The following GNAS variants were observed in gnomAD, a reference collection of about 807,000 sequenced individuals.
The protein encoded by GNAS is protein ALEX.
Under a neutral mutation model 54.5 loss-of-function variants are expected in GNAS, and 8 were observed. The observed-to-expected ratio is 0.15, with a 90% CI of 0.09 to 0.26. GNAS has a LOEUF of 0.26. Ranked by LOEUF, GNAS falls within the 10% of genes least tolerant of loss-of-function variation. GNAS has a pLI of 1.00. For synonymous variants in GNAS, 204 were observed against 191.4 expected (o/e 1.07, Z -0.54); for missense variants, 170 against 529.8 (o/e 0.32, Z 6.67).
rs769227032 is a variant in GNAS at position 58,840,880 on chromosome 20, G to C, written c.37G>C (p.Asp13His). The change falls in exon 1 of 13, where the codon GAT becomes CAT. Residue 13 changes from aspartate to histidine, a missense_variant. Physicochemically the swap from Asp to His is moderately conservative, Grantham distance 81 (BLOSUM62 -1). Transcript: ENST00000306090. The surrounding 1 kb of genome is among the most constrained non-coding windows in gnomAD (Gnocchi z 6.0). Reference sequence around the variant, plus strand: ...CGTCCAGATTCTCCTTGTTTTCATGGATTCAGGTTAGTTGCCCACCGCTAA... The same window carrying C: ...CGTCCAGATTCTCCTTGTTTTCATGCATTCAGGTTAGTTGCCCACCGCTAA... 2.5e-6 allele frequency: 4 copies of C among 1,612,570 alleles called. No individual in the cohort carries two copies. The highest frequency in any genetic ancestry group is 1.7e-5 in the Admixed American group (1 of 59,982).
chr20:58,910,077 G>T lies in GNAS; in HGVS notation c.966G>T (p.Glu322Asp). 6.2e-7 allele frequency: 1 copy of T among 1,613,944 alleles called. No individual in the cohort carries two copies. Among genetic ancestry groups the T allele is most frequent in the Non-Finnish European group, 8.5e-7 (1 of 1,179,814 alleles). The part of the protein sequence containing the change: ...FPEFARYTTP[E>D]DATPEPGEDP... ...AATTTGCTCGCTACACTACTCCTGA[G>T]GATGGTGTGTATGGCTTCCACTCTT... is the stretch of plus-strand genomic sequence containing the variant. The change falls in exon 11 of 13, where the codon GAG becomes GAT. Residue 322 changes from glutamate (E) to aspartate (D), a missense_variant. Transcript: ENST00000371085. The surrounding 1 kb of genome is among the most constrained non-coding windows in gnomAD (Gnocchi z 5.8).
In GNAS at chr20:58,903,662, T is replaced by C; in HGVS notation, c.313-10T>C. ...GCTGTTCCCTGACCGCTTTGCTAAA[T>C]CATTTTCAGACCATTGTGGCCGCCA... On this transcript the variant is annotated splice_polypyrimidine_tract_variant and intron_variant, in intron 4 of 12. Coordinates refer to ENST00000371085, the MANE Select transcript of GNAS (RefSeq NM_000516.7). 1 of 1,614,140 alleles carries C rather than the reference T, an allele frequency of 6.2e-7. No individual in the cohort carries two copies. The highest frequency in any genetic ancestry group is 1.3e-5 in the African/African-American group (1 of 75,032).
chr20:58,886,890 CATA>C (rs2088626807), upstream of GNAS, among the ~76,000 whole-genome samples: 1 of 152,188 alleles, frequency 6.6e-6, no homozygotes, highest in African/African-American at 2.4e-5. Flanking sequence ...AGTAGTTAGT[CATA>C]ATAAAATATA....
intron 1 of GNAS, among the ~76,000 whole-genome samples, chr20:58,894,454 A>G (rs982705689): frequency 6.6e-6 from 1 of 152,244 alleles, no homozygotes. Flanking sequence ...AAGGCAAGTA[A>G]AGGAGGAATG....
intron 6 of GNAS, among the ~76,000 whole-genome samples, chr20:58,907,420 C>T (rs1276686066): frequency 1.3e-5 from 2 of 152,106 alleles, no homozygotes; most frequent in African/African-American, 2.4e-5. Context: ...ATTATAGTAA[C>T]GCAAAACAAA....
At position 58,851,993 on chromosome 20, in the gene GNAS, G is replaced by T. The variant is rs1052980304; in HGVS notation, c.43+11107G>T. ...CCAGTCTCGAAACCACCCTAAACCG[G>T]CATTAAACCCCAACCAAAATCCCCT... On this transcript the variant is annotated intron_variant, in intron 1 of 12. Coordinates refer to the GNAS transcript ENST00000306090. Among the ~76,000 whole-genome samples, 19 of 152,222 alleles carry T rather than the reference G, an allele frequency of 1.2e-4. 1 individual carries two copies. The highest frequency in any genetic ancestry group is 2.1e-4 in the Non-Finnish European group (14 of 68,012).
intron 1 of GNAS, among the ~76,000 whole-genome samples, chr20:58,892,827 C>G (rs764553717): frequency 6.6e-6 from 1 of 151,788 alleles, no homozygotes; most frequent in Non-Finnish European, 1.5e-5. Context: ...TCCAGACTTG[C>G]AGGCTTTTTC....
At chr20:58,905,726 A>G (rs1465571969) in intron 6 of GNAS, among the ~76,000 whole-genome samples, 2 of 152,230 alleles carry the variant, frequency 1.3e-5, no homozygotes, top group Non-Finnish European at 2.9e-5. Context: ...TTAGAGCAAA[A>G]TGATGATGAG....
chr20:58,845,411 G>A, intron 1 of GNAS, among the ~76,000 whole-genome samples: 1 of 151,992 alleles, frequency 6.6e-6, no homozygotes, highest in East Asian at 1.9e-4. Flanking sequence ...TGGACATACA[G>A]CTAGACCCCA....
At chr20:58,847,369 G>A (rs1169720991) in intron 1 of GNAS, among the ~76,000 whole-genome samples, 1 of 152,250 alleles carries the variant, frequency 6.6e-6, no homozygotes, top group South Asian at 2.1e-4. Context: ...GCAGATAGCA[G>A]TATGCTGCTG....
intron 1 of GNAS, among the ~76,000 whole-genome samples, chr20:58,883,308 G>C (rs941595488): frequency 6.6e-6 from 1 of 151,938 alleles, no homozygotes; most frequent in Non-Finnish European, 1.5e-5. Flanking sequence ...CAATTTTTTC[G>C]GTGTAATTAG....
At chr20:58,889,126 G>A (rs2088836602), upstream of GNAS, 3 of 1,192,698 alleles carry the variant, frequency 2.5e-6, no homozygotes, top group Non-Finnish European at 1.1e-6. Flanking sequence ...CCTCTGAAGA[G>A]GCTGGGGCGT....
At chr20:58,842,282 T>G (rs2085769302) in intron 1 of GNAS, 1 of 398,086 alleles carries the variant, frequency 2.5e-6, no homozygotes, top group Non-Finnish European at 4.4e-6. Flanking sequence ...AATTGATTTT[T>G]TTTTTCCTGG....
chr20:58,889,150 TAGA>T (rs1007198791), upstream of GNAS: 7 of 1,213,882 alleles, frequency 5.8e-6, no homozygotes, highest in Admixed American at 1.1e-4. Context: ...CGGGGCCGGT[TAGA>T]AGCTCTGCTC....
At chr20:58,877,420 G>A (rs1237093847) in intron 1 of GNAS, among the ~76,000 whole-genome samples, 11 of 152,168 alleles carry the variant, frequency 7.2e-5, no homozygotes, top group African/African-American at 1.9e-4. Context: ...CTTTCCTTCC[G>A]TGAGATTTTA....
At chr20:58,900,215 A>G (rs1472392635) in intron 3 of GNAS, 4 of 540,326 alleles carry the variant, frequency 7.4e-6, no homozygotes. Context: ...CTAATTGACA[A>G]TCTGCTGTAC....
At position 58,903,393 on chromosome 20, in the gene GNAS, A is replaced by T. The variant is rs2295583; in HGVS notation, c.258-138A>T. The T allele has an allele frequency of 0.27, 211,900 of 791,184 alleles. 31,057 individuals are homozygous for T. The highest frequency in any genetic ancestry group is 0.37 in the African/African-American group (21,852 of 58,874). The allele number at this position is 791,184 out of a possible 1,614,324, so 49.0% of individuals were successfully genotyped here. On this transcript the variant is annotated intron_variant, in intron 3 of 12. Coordinates refer to ENST00000371085, the MANE Select transcript of GNAS (RefSeq NM_000516.7). ...CAACTATGTTTATTCAGCTACCTCCAATCTTTGCACAGATCCGAACCCACA... is the reference window on the plus strand; with the variant it reads ...CAACTATGTTTATTCAGCTACCTCCTATCTTTGCACAGATCCGAACCCACA...
Position 58,854,990 on chromosome 20 carries a change from C to T in GNAS, c.43+14104C>T, listed in dbSNP as rs535915849. 1.8e-5 allele frequency: 29 copies of T among 1,612,534 alleles called. No individual in the cohort carries two copies. In the African/African-American group the frequency reaches 2.9e-4, roughly 16 times the overall value. The stretch of plus-strand genomic sequence containing the variant: ...AAGGGGTGGCCAGCAGCGACGATGA[C>T]TCCAGCGGAGACGAGTCCGACGATG... On this transcript the variant is annotated intron_variant, in intron 1 of 12. Transcript: ENST00000306090.
Position 58,910,464 on chromosome 20 carries a change from T to G in GNAS, c.1038+63T>G, listed in dbSNP as rs565540372. The G allele has an allele frequency of 1.5e-6, 2 of 1,356,716 alleles. No homozygotes were observed. The highest frequency in any genetic ancestry group is 2.8e-5 in the African/African-American group (2 of 70,218). 84.0% of individuals were successfully genotyped at this position (1,356,716 alleles called of 1,614,324 possible). A position where few individuals can be genotyped will look rare whatever the true frequency, so the allele number is the denominator to read the frequency against. ...TCCTCTTTTTCTCATGGATGTAAAT[T>G]TACTTAATTCCAAATTCAGGGGTTC... On this transcript the variant is annotated intron_variant, in intron 12 of 12. Coordinates refer to ENST00000371085, the MANE Select transcript of GNAS (RefSeq NM_000516.7). This position sits in a 1 kb window ranked among gnomAD's most constrained non-coding sequence, Gnocchi z 5.8.
Sources: gnomAD v4.1 joint callset for allele counts (sites outside exome capture counted in the v4.1 genomes callset) on GRCh38, gnomAD v4.1.1 for gene constraint, Gnocchi (gnomAD v3.1) non-coding constraint, MANE v1.5 for transcripts, NCBI Gene and HGNC (gene_info 2026-07-23, HGNC 2026-07-21) for gene names.